The following CADPS variants were observed in gnomAD, a reference collection of about 807,000 sequenced individuals.
CADPS encodes the protein calcium dependent secretion activator, also known as calcium-dependent secretion activator 1.
A neutral mutation model predicts 167.3 loss-of-function variants in CADPS; 57 were observed. That is an observed-to-expected ratio of 0.34 (90% CI 0.28 to 0.42). The LOEUF is 0.42. Among genes scored for constraint, CADPS ranks in the 20% least tolerant of loss-of-function variants. The pLI is 1.00. For missense variants in CADPS, 1,414 were observed against 1,738.1 expected (o/e 0.81, Z 3.32); for synonymous variants, 676 against 635.3 (o/e 1.06, Z -0.96).
intron 3 of CADPS, among the ~76,000 whole-genome samples, chr3:62,728,987 G>T (rs2077250170): frequency 6.6e-6 from 1 of 151,786 alleles, no homozygotes; most frequent in Non-Finnish European, 1.5e-5. Context: ...TAAAATGGTG[G>T]TATTAACACT....
intron 1 of CADPS, among the ~76,000 whole-genome samples, chr3:62,797,115 C>T (rs1227455694): frequency 6.6e-6 from 1 of 152,100 alleles, no homozygotes; most frequent in Non-Finnish European, 1.5e-5. Context: ...ATTATCCAAC[C>T]CAAAAGTTTT....
chr3:62,719,446 G>A (rs892655329), intron 3 of CADPS, among the ~76,000 whole-genome samples: 1 of 152,184 alleles, frequency 6.6e-6, no homozygotes, highest in African/African-American at 2.4e-5. Flanking sequence ...ACAGAGCTCT[G>A]TTTCTTTCCT....
At position 62,650,844 on chromosome 3, in the gene CADPS, T is replaced by C. The variant is rs748006628; in HGVS notation, c.1203+3A>G. On this transcript the variant is annotated splice_donor_region_variant and intron_variant, in intron 5 of 29. Transcript: ENST00000383710. ...AAACTTTCAAGGGCTCAGGGCTTTT[T>C]ACCTCCAATGAGAAAGACAGCACGA... 1.9e-6 allele frequency: 3 copies of C among 1,612,624 alleles called. No individual in the cohort carries two copies. The highest frequency in any genetic ancestry group is 2.2e-5 in the South Asian group (2 of 90,996).
intron 3 of CADPS, among the ~76,000 whole-genome samples, chr3:62,685,461 C>G (rs2077833810): frequency 6.6e-6 from 1 of 151,702 alleles, no homozygotes; most frequent in Non-Finnish European, 1.5e-5. Context: ...GAGAGAGGGA[C>G]CTTAAAAACA....
chr3:62,461,472 C>T lies in CADPS; in HGVS notation c.3636+3895G>A, dbSNP rs539569806. 1.4e-4 allele frequency among the ~76,000 whole-genome samples: 21 copies of T among 152,226 alleles called. No individual in the cohort carries two copies. The East Asian group carries it at 2.7e-3, about 20-fold the overall frequency. On this transcript the variant is annotated intron_variant, in intron 26 of 29. Coordinates refer to ENST00000383710, the MANE Select transcript of CADPS (RefSeq NM_003716.4). The stretch of plus-strand genomic sequence containing the variant: ...GGACTCCTAGCTCAGCTGAGCTCTC[C>T]GGTATATCATAGTTCTCGGGCTTTC...
intron 10 of CADPS, among the ~76,000 whole-genome samples, chr3:62,550,610 G>C (rs188523922): frequency 6.6e-5 from 10 of 152,218 alleles, no homozygotes; most frequent in Non-Finnish European, 1.5e-4. Flanking sequence ...CAGAGCTTGA[G>C]GTGCAGCATT....
chr3:62,608,221 C>T (rs1408337328), intron 6 of CADPS, among the ~76,000 whole-genome samples: 1 of 151,444 alleles, frequency 6.6e-6, no homozygotes, highest in African/African-American at 2.4e-5. Flanking sequence ...AAATAACAAA[C>T]ATACTAAAAA....
intron 3 of CADPS, among the ~76,000 whole-genome samples, chr3:62,707,855 G>A (rs1282156687): frequency 6.6e-6 from 1 of 151,894 alleles, no homozygotes; most frequent in African/African-American, 2.4e-5. Context: ...GACATGTATG[G>A]CTTGCATTAT....
At chr3:62,798,288 TA>T (rs2093565346) in intron 1 of CADPS, among the ~76,000 whole-genome samples, 1 of 152,120 alleles carries the variant, frequency 6.6e-6, no homozygotes, top group African/African-American at 2.4e-5. Flanking sequence ...CCAGTGTGGC[TA>T]AGATAAAGCA....
chr3:62,650,621 A>G (rs1347885783), intron 5 of CADPS, among the ~76,000 whole-genome samples: 1 of 152,204 alleles, frequency 6.6e-6, no homozygotes, highest in African/African-American at 2.4e-5. Flanking sequence ...AAAGTAATGC[A>G]AGATTAAATT....
intron 6 of CADPS, 46 bp downstream of exon 6, chr3:62,645,676 T>C (rs760738096): frequency 6.2e-7 from 1 of 1,604,714 alleles, no homozygotes; most frequent in South Asian, 1.1e-5. Context: ...ATGGAACTAA[T>C]GGCAGCAACC....
At chr3:62,700,494 C>G (rs1236185531) in intron 3 of CADPS, among the ~76,000 whole-genome samples, 2 of 152,038 alleles carry the variant, frequency 1.3e-5, no homozygotes, top group Admixed American at 1.3e-4. Flanking sequence ...TTACAATGGT[C>G]TTAACAAAAT....
At chr3:62,553,162 A>T (rs950894458) in intron 10 of CADPS, among the ~76,000 whole-genome samples, 3 of 152,132 alleles carry the variant, frequency 2.0e-5, no homozygotes, top group African/African-American at 7.2e-5. Flanking sequence ...CACTTTTACT[A>T]GCCCCAAGGC....
chr3:62,736,672 A>G (rs2079042693), intron 3 of CADPS, among the ~76,000 whole-genome samples: 1 of 152,224 alleles, frequency 6.6e-6, no homozygotes, highest in African/African-American at 2.4e-5. Context: ...TCTTTAAAAG[A>G]AGTTAGACTG....
At chr3:62,557,288 CCTTAGTGAATTGA>C in intron 10 of CADPS, 104 bp downstream of exon 10, 1 of 738,864 alleles carries the variant, frequency 1.4e-6, no homozygotes, top group Non-Finnish European at 2.4e-6. Flanking sequence ...CAGCTGAAAC[CCTTAGTGAATTGA>C]CTTAGTGCCT....
At chr3:62,638,406 G>T (rs2066755158) in intron 6 of CADPS, among the ~76,000 whole-genome samples, 2 of 152,068 alleles carry the variant, frequency 1.3e-5, no homozygotes, top group South Asian at 2.1e-4. Flanking sequence ...CATTTGGAGA[G>T]AAATGTATTA....
chr3:62,684,058 T>C (rs900182784), intron 3 of CADPS, among the ~76,000 whole-genome samples: 7 of 152,080 alleles, frequency 4.6e-5, no homozygotes, highest in South Asian at 2.1e-4. Flanking sequence ...AGTAAGTTAC[T>C]ACATGGAGTC....
intron 1 of CADPS, among the ~76,000 whole-genome samples, chr3:62,794,793 A>AAAAAAAG (rs1553689819): frequency 0.024 from 3,250 of 136,608 alleles, 60 homozygotes; most frequent in South Asian, 0.042. Context: ...AAAAAAAAAA[A>AAAAAAAG]AAAAAAAAAA....
At chr3:62,769,522 G>A (rs1464390930) in intron 1 of CADPS, among the ~76,000 whole-genome samples, 1 of 152,100 alleles carries the variant, frequency 6.6e-6, no homozygotes, top group African/African-American at 2.4e-5. Flanking sequence ...GTGAACCACT[G>A]TGGCCACCCT....
Sources: gnomAD v4.1 joint callset for allele counts (sites outside exome capture counted in the v4.1 genomes callset) on GRCh38, gnomAD v4.1.1 for gene constraint, MANE v1.5 for transcripts, NCBI Gene and HGNC (gene_info 2026-07-23, HGNC 2026-07-21) for gene names.